LRGUK: variants seen among roughly 807,000 people sequenced by gnomAD.
LRGUK encodes leucine-rich repeat and guanylate kinase domain-containing protein.
A neutral mutation model predicts 76.0 loss-of-function variants in LRGUK; 65 were observed. That is an observed-to-expected ratio of 0.85 (90% CI 0.70 to 1.05). The LOEUF (loss-of-function observed/expected upper bound fraction) is 1.05. Among genes scored for constraint, LRGUK ranks in the 50% least tolerant of loss-of-function variants. The pLI is 0.00. For missense variants in LRGUK, 758 were observed against 732.8 expected, an observed-to-expected ratio of 1.03 and a Z score of -0.40; for synonymous variants, 268 against 265.6, an observed-to-expected ratio of 1.01 and a Z score of -0.09.
exon 17 of LRGUK, chr7:134,247,611 G>A (rs944197557): frequency 6.2e-7 from 1 of 1,613,692 alleles, no homozygotes; most frequent in Admixed American, 1.7e-5. Context: ...CTAATGGGAA[G>A]GATACGCCCT....
Position 134,218,021 on chromosome 7 carries a change from G to T in LRGUK, c.1844-3758G>T, listed in dbSNP as rs141143572. Among the ~76,000 whole-genome samples, 84 of 152,170 alleles carry T rather than the reference G, an allele frequency of 5.5e-4. 1 individual carries two copies. In the East Asian group the frequency reaches 0.015, roughly 27 times the overall value. On this transcript the variant is annotated intron_variant, in intron 15 of 19. Transcript: ENST00000285928. ...CCAGGCTGGAATCTAGAGTGCGGTG[G>T]CACAATCTCAGCTCACTGCAGCCTC...
At chr7:134,149,119 A>G (rs1357820791) in intron 5 of LRGUK, among the ~76,000 whole-genome samples, 1 of 151,236 alleles carries the variant, frequency 6.6e-6, no homozygotes, top group African/African-American at 2.4e-5. Flanking sequence ...AAAAAAAAAA[A>G]AAAACAACTT....
At chr7:134,200,051 TAGAG>T (rs1484008636) in intron 14 of LRGUK, among the ~76,000 whole-genome samples, 7 of 133,240 alleles carry the variant, frequency 5.3e-5, no homozygotes, top group African/African-American at 8.3e-5. Context: ...TTTTTTGAGA[TAGAG>T]AGTCTCGCTC....
intron 18 of LRGUK, among the ~76,000 whole-genome samples, chr7:134,254,113 G>A (rs1802514186): frequency 6.6e-6 from 1 of 152,180 alleles, no homozygotes; most frequent in Non-Finnish European, 1.5e-5. Context: ...AATCTTGCTT[G>A]TGATTAGACA....
rs371557700 is a variant in LRGUK at position 134,178,474 on chromosome 7, T to G, written c.1108-29T>G. ...TTCTTTTTAGAAACAAAACTTTTTT[T>G]CCCTTTTACATCTCTAATTCTGGAA... On this transcript the variant is annotated intron_variant, in intron 9 of 15. Coordinates refer to ENST00000645682, the Ensembl canonical transcript of LRGUK. 1.0e-4 allele frequency: 161 copies of G among 1,544,930 alleles called. 1 individual carries two copies. In the African/African-American group the frequency reaches 2.2e-3, roughly 21 times the overall value.
chr7:134,194,224 T>G (rs1800387048), intron 12 of LRGUK, among the ~76,000 whole-genome samples: 1 of 152,182 alleles, frequency 6.6e-6, no homozygotes, highest in South Asian at 2.1e-4. Flanking sequence ...TGGGGTCTCT[T>G]TTATACCTAT....
At chr7:134,173,030 G>A (rs1799322574) in intron 7 of LRGUK, among the ~76,000 whole-genome samples, 2 of 151,990 alleles carry the variant, frequency 1.3e-5, no homozygotes, top group South Asian at 4.2e-4. Flanking sequence ...AGAGCAGATG[G>A]AATGCTAGAA....
chr7:134,205,288 G>T (rs547622810), intron 15 of LRGUK, among the ~76,000 whole-genome samples: 1 of 152,164 alleles, frequency 6.6e-6, no homozygotes, highest in South Asian at 2.1e-4. Context: ...TTCCTGATTG[G>T]TGCGTTTTAC....
chr7:134,213,124 T>A (rs933688784), downstream of LRGUK, among the ~76,000 whole-genome samples: 2 of 152,180 alleles, frequency 1.3e-5, no homozygotes, highest in African/African-American at 2.4e-5. Context: ...CATAGCATCT[T>A]CTAAGGACCC....
exon 18 of LRGUK, chr7:134,248,964 G>T: frequency 6.6e-7 from 1 of 1,516,472 alleles, no homozygotes; most frequent in Non-Finnish European, 8.9e-7. Context: ...TCCAGTACCA[G>T]CACCTCTCAC....
intron 16 of LRGUK, among the ~76,000 whole-genome samples, chr7:134,237,476 C>A (rs533391053): frequency 2.0e-5 from 3 of 152,212 alleles, no homozygotes; most frequent in Admixed American, 6.5e-5. Flanking sequence ...TACCACCCAC[C>A]GCATTTTTTA....
intron 11 of LRGUK, among the ~76,000 whole-genome samples, chr7:134,188,114 G>A (rs1025681154): frequency 1.4e-4 from 21 of 152,188 alleles, no homozygotes; most frequent in Middle Eastern, 3.2e-3. Context: ...TGATGAAACT[G>A]TGAAATGAAC....
At chr7:134,171,075 G>T (rs899590673) in intron 7 of LRGUK, among the ~76,000 whole-genome samples, 13 of 151,356 alleles carry the variant, frequency 8.6e-5, no homozygotes, top group African/African-American at 2.7e-4. Flanking sequence ...GTTTAGTGGA[G>T]AATTCAGGCC....
intron 6 of LRGUK, among the ~76,000 whole-genome samples, chr7:134,162,362 C>T (rs1798786822): frequency 6.6e-6 from 1 of 152,164 alleles, no homozygotes; most frequent in African/African-American, 2.4e-5. Context: ...CATATAACCT[C>T]TCCACAAGTT....
At chr7:134,266,879 C>T (rs1487424208), downstream of LRGUK, among the ~76,000 whole-genome samples, 1 of 151,970 alleles carries the variant, frequency 6.6e-6, no homozygotes, top group Non-Finnish European at 1.5e-5. Context: ...AAAAACAACA[C>T]AAAATCTTAA....
At chr7:134,150,017 T>C (rs1361074754) in intron 5 of LRGUK, among the ~76,000 whole-genome samples, 1 of 152,210 alleles carries the variant, frequency 6.6e-6, no homozygotes, top group East Asian at 1.9e-4. Flanking sequence ...GGCTTATGCC[T>C]GTGATCCCAG....
At chr7:134,214,973 G>A (rs1375691328), downstream of LRGUK, among the ~76,000 whole-genome samples, 1 of 152,134 alleles carries the variant, frequency 6.6e-6, no homozygotes, top group Non-Finnish European at 1.5e-5. Context: ...GTCTTCATAT[G>A]TTGGGTGATT....
At chr7:134,249,715 A>G (rs920060549) in intron 18 of LRGUK, among the ~76,000 whole-genome samples, 5 of 152,224 alleles carry the variant, frequency 3.3e-5, no homozygotes, top group African/African-American at 4.8e-5. Flanking sequence ...TCAAAAGCTG[A>G]AAATGTTTAC....
chr7:134,191,196 C>T (rs1308419835), intron 11 of LRGUK, among the ~76,000 whole-genome samples: 1 of 152,094 alleles, frequency 6.6e-6, no homozygotes, highest in Non-Finnish European at 1.5e-5. Context: ...ATGAATAATC[C>T]AGCCATAGAG....
Sources: allele counts gnomAD v4.1 joint callset (sites outside exome capture counted in the v4.1 genomes callset), GRCh38; gene constraint gnomAD v4.1.1; transcripts MANE v1.5; gene names NCBI Gene and HGNC (gene_info 2026-07-23, HGNC 2026-07-21).